Variants in GNAQ observed in about 807,000 individuals in gnomAD.
GNAQ encodes the protein guanine nucleotide-binding protein G(q) subunit alpha.
GNAQ carries 8 observed loss-of-function variants against 43.9 expected under a neutral mutation model. The observed-to-expected ratio is 0.18, with a 90% CI of 0.11 to 0.33. The LOEUF (loss-of-function observed/expected upper bound fraction) is 0.33, where lower values mean the gene tolerates loss of function less well. GNAQ is among the 10% of genes least tolerant of loss of function. GNAQ has a pLI of 1.00. For missense variants in GNAQ, 158 were observed against 450.8 expected, an observed-to-expected ratio of 0.35 and a Z score of 5.88; for synonymous variants, 155 against 170.7, an observed-to-expected ratio of 0.91 and a Z score of 0.71.
Position 77,720,392 on chromosome 9 carries a change from A to T in GNAQ, c.*931T>A, listed in dbSNP as rs1312769973. On this transcript the variant is annotated 3_prime_UTR_variant, in exon 7 of 7. Transcript: ENST00000286548. The stretch of plus-strand genomic sequence containing the variant: ...AACACCAAGAAAAAAAAGAAAGGAA[A>T]AGCTTGAACAACAACAACAAAAAAA... 4.3e-6 allele frequency: 1 copy of T among 233,480 alleles called. No homozygotes were observed. The highest frequency in any genetic ancestry group is 8.5e-6 in the Non-Finnish European group (1 of 117,986). The allele number at this position is 233,480 out of a possible 1,614,324, so 14.5% of individuals were successfully genotyped here. A position where few individuals can be genotyped will look rare whatever the true frequency, so the allele number is the denominator to read the frequency against.
intron 4 of GNAQ, among the ~76,000 whole-genome samples, chr9:77,796,461 T>C (rs555116202): frequency 6.6e-6 from 1 of 152,344 alleles, no homozygotes; most frequent in South Asian, 2.1e-4. Context: ...ATGTAGTTTG[T>C]ATTCTAACTA....
chr9:77,967,576 C>T (rs1564165493), intron 1 of GNAQ, among the ~76,000 whole-genome samples: 3 of 152,134 alleles, frequency 2.0e-5, no homozygotes, highest in African/African-American at 7.2e-5. Flanking sequence ...CAAAATGCCA[C>T]ATATGATTCC....
chr9:78,001,529 C>G (rs189397157), intron 1 of GNAQ, among the ~76,000 whole-genome samples: 2 of 152,082 alleles, frequency 1.3e-5, no homozygotes, highest in East Asian at 3.9e-4. Context: ...ACAGGATACT[C>G]TCAGTCAGCA....
chr9:77,824,855 A>AT (rs1376851887), intron 2 of GNAQ, among the ~76,000 whole-genome samples: 1 of 152,178 alleles, frequency 6.6e-6, no homozygotes, highest in Non-Finnish European at 1.5e-5. Flanking sequence ...CTATTGCTTC[A>AT]TTTTTTTGTA....
intron 2 of GNAQ, among the ~76,000 whole-genome samples, chr9:77,852,711 T>G (rs1038401712): frequency 6.6e-6 from 1 of 152,246 alleles, no homozygotes; most frequent in East Asian, 1.9e-4. Context: ...CTTTGACACA[T>G]ATCACCTTTT....
intron 1 of GNAQ, among the ~76,000 whole-genome samples, chr9:77,939,047 G>T (rs1310224705): frequency 6.6e-6 from 1 of 152,148 alleles, no homozygotes; most frequent in African/African-American, 2.4e-5. Context: ...GGGTGTGAGG[G>T]TCTGCCCAGG....
intron 2 of GNAQ, among the ~76,000 whole-genome samples, chr9:77,818,696 TG>T (rs1200177121): frequency 6.6e-6 from 1 of 152,072 alleles, no homozygotes; most frequent in Non-Finnish European, 1.5e-5. Flanking sequence ...TTTTGAACAT[TG>T]TGCACAGAAA....
chr9:77,937,904 A>AT (rs1829255850), intron 1 of GNAQ, among the ~76,000 whole-genome samples: 1 of 152,184 alleles, frequency 6.6e-6, no homozygotes, highest in African/African-American at 2.4e-5. Flanking sequence ...AAATAAATAA[A>AT]TAAATAAAAT....
At chr9:77,874,109 A>AAAAAAAAAC (rs1454601850) in intron 2 of GNAQ, among the ~76,000 whole-genome samples, 38 of 148,166 alleles carry the variant, frequency 2.6e-4, no homozygotes, top group South Asian at 8.5e-4. Context: ...CATCTCAAAA[A>AAAAAAAAAC]AAAAAAACAA....
At chr9:77,738,387 C>G (rs1825604796) in intron 5 of GNAQ, among the ~76,000 whole-genome samples, 1 of 152,060 alleles carries the variant, frequency 6.6e-6, no homozygotes, top group Admixed American at 6.5e-5. Context: ...TACTTGTATT[C>G]ATTTCTACAT....
At chr9:77,989,370 T>C (rs961709877) in intron 1 of GNAQ, among the ~76,000 whole-genome samples, 4 of 152,220 alleles carry the variant, frequency 2.6e-5, no homozygotes, top group Admixed American at 6.5e-5. Flanking sequence ...GACTCGAATG[T>C]TGAATCCTGA....
chr9:78,006,382 T>C (rs184346114), intron 1 of GNAQ, among the ~76,000 whole-genome samples: 1 of 152,184 alleles, frequency 6.6e-6, no homozygotes, highest in Non-Finnish European at 1.5e-5. Flanking sequence ...AACTGAGACA[T>C]AGGATCAACC....
chr9:77,962,805 T>C (rs935052390), intron 1 of GNAQ, among the ~76,000 whole-genome samples: 1 of 150,492 alleles, frequency 6.6e-6, no homozygotes, highest in African/African-American at 2.5e-5. Flanking sequence ...GGCAAGAGAA[T>C]TGCTTGAACC....
At chr9:77,875,861 G>C (rs904419675) in intron 2 of GNAQ, among the ~76,000 whole-genome samples, 10 of 152,056 alleles carry the variant, frequency 6.6e-5, no homozygotes, top group Non-Finnish European at 1.3e-4. Context: ...ATTTTTCAGT[G>C]GGAAAGTAGA....
intron 5 of GNAQ, among the ~76,000 whole-genome samples, chr9:77,766,600 C>T (rs542343383): frequency 1.4e-4 from 21 of 152,150 alleles, no homozygotes; most frequent in Admixed American, 3.3e-4. Flanking sequence ...TTGCTGTGTT[C>T]CAGGCTGGGC....
intron 5 of GNAQ, among the ~76,000 whole-genome samples, chr9:77,776,337 G>C (rs556113046): frequency 1.3e-5 from 2 of 152,222 alleles, no homozygotes; most frequent in East Asian, 3.9e-4. Context: ...CTGGCTACAA[G>C]AGACACAATT....
intron 1 of GNAQ, among the ~76,000 whole-genome samples, chr9:78,017,727 AAAC>A (rs1199475288): frequency 6.6e-6 from 1 of 152,232 alleles, no homozygotes; most frequent in Admixed American, 6.5e-5. Flanking sequence ...AACAAAAGGA[AAAC>A]AACAGACTGG....
chr9:77,857,013 T>TGA (rs1827766185), intron 2 of GNAQ, among the ~76,000 whole-genome samples: 1 of 152,204 alleles, frequency 6.6e-6, no homozygotes, highest in Non-Finnish European at 1.5e-5. Flanking sequence ...CACCATGCCC[T>TGA]CCTCTTCCTC....
intron 2 of GNAQ, among the ~76,000 whole-genome samples, chr9:77,883,006 T>C (rs1484091326): frequency 1.3e-5 from 2 of 152,132 alleles, no homozygotes; most frequent in African/African-American, 4.8e-5. Context: ...AAAAAGCAAA[T>C]TCTTAAAATC....
Sources: gnomAD v4.1 joint callset for allele counts (sites outside exome capture counted in the v4.1 genomes callset) on GRCh38, gnomAD v4.1.1 for gene constraint, MANE v1.5 for transcripts, NCBI Gene and HGNC (gene_info 2026-07-23, HGNC 2026-07-21) for gene names.